The following GSDMC variants were observed in gnomAD, a reference collection of about 807,000 sequenced individuals.
The protein encoded by GSDMC is gasdermin C.
Under a neutral mutation model 58.0 loss-of-function variants are expected in GSDMC, and 59 were observed. The ratio of observed to expected loss-of-function variants is 1.02; its 90% confidence interval spans 0.82 to 1.26. The LOEUF (loss-of-function observed/expected upper bound fraction) is 1.26, where lower values mean the gene tolerates loss of function less well. Among genes scored for constraint, GSDMC ranks in the 50% most tolerant of loss-of-function variants. The pLI is 0.00. For missense variants in GSDMC, 659 were observed against 598.5 expected, an observed-to-expected ratio of 1.10 and a Z score of -1.06; for synonymous variants, 241 against 220.2, an observed-to-expected ratio of 1.09 and a Z score of -0.83.
At chr8:129,764,722 A>G (rs1205408393) in intron 4 of GSDMC, among the ~76,000 whole-genome samples, 1 of 152,214 alleles carries the variant, frequency 6.6e-6, no homozygotes, top group East Asian at 1.9e-4. Flanking sequence ...CATGTACCCC[A>G]TGAATGTATA....
In GSDMC at chr8:129,750,412, C is replaced by T; in HGVS notation, c.1083+19G>A. ...ATTTACAGCTTTTACCAGACCTATG[C>T]AACTGTGGAGCCCCTCACCATGTTC... On this transcript the variant is annotated intron_variant, in intron 11 of 13. Coordinates refer to ENST00000276708, the MANE Select transcript of GSDMC (RefSeq NM_031415.3). 1 of 1,609,098 alleles carries T rather than the reference C, an allele frequency of 6.2e-7. No individual in the cohort carries two copies. The highest frequency in any genetic ancestry group is 1.1e-5 in the South Asian group (1 of 90,270).
chr8:129,745,698 T>C (rs1207602179), downstream of GSDMC, among the ~76,000 whole-genome samples: 1 of 128,256 alleles, frequency 7.8e-6, no homozygotes, highest in Non-Finnish European at 1.6e-5. Context: ...AAATAATGTT[T>C]AGTGAATAAA....
At position 129,757,414 on chromosome 8, in the gene GSDMC, C is replaced by T. The variant is rs190437792; in HGVS notation, c.721+3131G>A. Among the ~76,000 whole-genome samples the T allele has an allele frequency of 3.2e-3, 490 of 152,046 alleles. 7 individuals are homozygous for T. Among genetic ancestry groups the T allele is most frequent in the African/African-American group, 0.01 (422 of 41,492 alleles). ...TGAGATAGAAGCTGTAATAAAAAGT[C>T]TCCCAGTAAAGAAAAGCCCAGGACC... is the stretch of plus-strand genomic sequence containing the variant. On this transcript the variant is annotated intron_variant, in intron 6 of 13. Coordinates refer to ENST00000276708, the MANE Select transcript of GSDMC (RefSeq NM_031415.3).
the GSDMC span, chr8:129,707,207 C>G: frequency 6.7e-6 from 1 of 150,032 alleles, no homozygotes; most frequent in Non-Finnish European, 1.5e-5. Context: ...AAAAAAAAAG[C>G]CCAGATAAGT....
intron 1 of GSDMC, 22 bp from the exon 2 acceptor site, chr8:129,777,613 G>A (rs1185523632): frequency 2.4e-6 from 3 of 1,266,042 alleles, no homozygotes; most frequent in East Asian, 2.3e-5. Context: ...TGAAAGGAGA[G>A]CATCAGTTGG....
rs2034552722 is a variant in GSDMC at position 129,786,270 on chromosome 8, T to C, written c.-264A>G. ...CTGCTTGAACCCGGGAGGCAGAGGT[T>C]GCAGTGAGCTGAGACCATGCCGCTG... On this transcript the variant is annotated 5_prime_UTR_variant, in exon 1 of 14. Coordinates refer to ENST00000276708, the MANE Select transcript of GSDMC (RefSeq NM_031415.3). 1 of 151,338 alleles carries C rather than the reference T, an allele frequency of 6.6e-6. No individual in the cohort carries two copies. The highest frequency in any genetic ancestry group is 1.5e-5 in the Non-Finnish European group (1 of 67,982). The allele number at this position is 151,338 out of a possible 1,614,324, so 9.4% of individuals were successfully genotyped here. A position where few individuals can be genotyped will look rare whatever the true frequency, so the allele number is the denominator to read the frequency against.
chr8:129,724,366 G>A, the GSDMC span, among the ~76,000 whole-genome samples: 1 of 152,032 alleles, frequency 6.6e-6, no homozygotes, highest in Non-Finnish European at 1.5e-5. Flanking sequence ...TTACGTTTTG[G>A]GGGTGATTTG....
chr8:129,719,768 AACC>A, the GSDMC span, among the ~76,000 whole-genome samples: 1 of 152,104 alleles, frequency 6.6e-6, no homozygotes, highest in African/African-American at 2.4e-5. Flanking sequence ...AACATGGTGA[AACC>A]CCGTCTCTAC....
chr8:129,770,648 T>C (rs2034017338), intron 3 of GSDMC, among the ~76,000 whole-genome samples: 1 of 151,546 alleles, frequency 6.6e-6, no homozygotes, highest in African/African-American at 2.4e-5. Context: ...ATGCAAAAGA[T>C]TAAGAGAAAG....
chr8:129,734,294 G>A, the GSDMC span, among the ~76,000 whole-genome samples: 1 of 152,130 alleles, frequency 6.6e-6, no homozygotes, highest in Non-Finnish European at 1.5e-5. Flanking sequence ...AGCAAGGCAG[G>A]CCAACACTGA....
chr8:129,714,301 A>G, the GSDMC span, among the ~76,000 whole-genome samples: 1 of 152,256 alleles, frequency 6.6e-6, no homozygotes, highest in Non-Finnish European at 1.5e-5. Flanking sequence ...GAGATAGTTC[A>G]GTGCCCATCA....
chr8:129,776,928 AT>A (rs113296045), intron 2 of GSDMC, among the ~76,000 whole-genome samples: 20,602 of 146,980 alleles, frequency 0.14, 1,750 homozygotes, highest in Admixed American at 0.19. Context: ...TGCCTGGATA[AT>A]TTTTTTTTTT....
the GSDMC span, among the ~76,000 whole-genome samples, chr8:129,707,897 T>G: frequency 2.0e-5 from 3 of 152,356 alleles, no homozygotes; most frequent in African/African-American, 7.2e-5. Context: ...TGAATGCCAT[T>G]GCTTTCTTTT....
Position 129,762,680 on chromosome 8 carries a change from G to T in GSDMC, c.622C>A (p.Gln208Lys), listed in dbSNP as rs2033712680. 6.2e-7 allele frequency: 1 copy of T among 1,613,834 alleles called. No homozygotes were observed. Among genetic ancestry groups the T allele is most frequent in the Non-Finnish European group, 8.5e-7 (1 of 1,179,876 alleles). ...TTATAAGCCATCACCATGCCTTTCT[G>T]AAGAGTCAGCGCCTTCTTCTTCACT... Reference protein sequence around the residue: ...LRVKKKALTLQKGMVMAYKRK... With the variant: ...LRVKKKALTLKKGMVMAYKRK... The change falls in exon 5 of 14, where the codon CAG (glutamine) becomes AAG (lysine). Residue 208 changes from glutamine to lysine, a missense_variant. Transcript: ENST00000276708.
the GSDMC span, chr8:129,729,864 C>A: frequency 6.0e-5 from 53 of 880,560 alleles, no homozygotes; most frequent in Non-Finnish European, 9.7e-5. Context: ...AGCACCATGA[C>A]TGTAAGCAGT....
the GSDMC span, among the ~76,000 whole-genome samples, chr8:129,737,378 T>C: frequency 6.6e-6 from 1 of 152,220 alleles, no homozygotes; most frequent in Non-Finnish European, 1.5e-5. Flanking sequence ...TCACGCTACC[T>C]GACTTCAAAC....
the GSDMC span, chr8:129,730,433 C>A: frequency 2.7e-6 from 3 of 1,115,856 alleles, no homozygotes; most frequent in South Asian, 3.3e-5. Context: ...AAATTATTTC[C>A]CAAAAAGTTT....
At chr8:129,720,821 A>C in the GSDMC span, among the ~76,000 whole-genome samples, 1,189 of 152,360 alleles carry the variant, frequency 7.8e-3, 16 homozygotes, top group African/African-American at 0.026. Context: ...AATCAGGAAG[A>C]TTTGGTTTCA....
At chr8:129,715,085 T>G in the GSDMC span, among the ~76,000 whole-genome samples, 1 of 152,184 alleles carries the variant, frequency 6.6e-6, no homozygotes, top group Non-Finnish European at 1.5e-5. Flanking sequence ...CATTTAGGTG[T>G]GTATATTGTA....
Sources: allele counts gnomAD v4.1 joint callset (sites outside exome capture counted in the v4.1 genomes callset), GRCh38; gene constraint gnomAD v4.1.1; transcripts MANE v1.5; gene names NCBI Gene and HGNC (gene_info 2026-07-23, HGNC 2026-07-21).